The following GPR63 variants were observed in gnomAD, a reference collection of about 807,000 sequenced individuals.
The protein encoded by GPR63 is probable G protein-coupled receptor 63.
Under a neutral mutation model 23.1 loss-of-function variants are expected in GPR63, and 12 were observed. That is an observed-to-expected ratio of 0.52 (90% CI 0.33 to 0.84). GPR63 has a LOEUF of 0.84. GPR63 is among the 40% of genes least tolerant of loss of function. GPR63 has a pLI of 0.02. For synonymous variants in GPR63, 172 were observed against 191.1 expected, an observed-to-expected ratio of 0.90 and a Z score of 0.82; for missense variants, 472 against 515.6, an observed-to-expected ratio of 0.92 and a Z score of 0.82.
chr6:96,821,744 A>G (rs1425576320), intron 1 of GPR63, among the ~76,000 whole-genome samples: 3 of 152,190 alleles, frequency 2.0e-5, no homozygotes, highest in Non-Finnish European at 4.4e-5. Flanking sequence ...CCAAGACCAT[A>G]TATGACATGA....
chr6:96,835,709 TG>T (rs1215367018), intron 1 of GPR63, among the ~76,000 whole-genome samples: 1 of 152,196 alleles, frequency 6.6e-6, no homozygotes, highest in African/African-American at 2.4e-5. Context: ...GTTCTTTTTT[TG>T]AGTTTCGGTA....
intron 1 of GPR63, among the ~76,000 whole-genome samples, chr6:96,831,831 G>A (rs1371087429): frequency 3.3e-5 from 5 of 152,048 alleles, no homozygotes; most frequent in Non-Finnish European, 7.4e-5. Context: ...GCTTGAACCC[G>A]GGAGGCGGAG....
At chr6:96,813,365 A>G (rs1774090046) in intron 1 of GPR63, among the ~76,000 whole-genome samples, 1 of 152,172 alleles carries the variant, frequency 6.6e-6, no homozygotes, top group African/African-American at 2.4e-5. Context: ...CAGCACTGAA[A>G]TTGCTGGATT....
intron 1 of GPR63, among the ~76,000 whole-genome samples, chr6:96,822,492 A>T (rs981581342): frequency 5.3e-5 from 8 of 152,228 alleles, no homozygotes; most frequent in African/African-American, 1.9e-4. Context: ...TGACAGCGTC[A>T]TCATGTGCCA....
At chr6:96,800,013 C>A in intron 1 of GPR63, 132 bp from the exon 2 acceptor site, 1 of 411,172 alleles carries the variant, frequency 2.4e-6, no homozygotes. Flanking sequence ...TTTTAGTCTC[C>A]AGTGTAGTCA....
At chr6:96,817,436 A>C (rs372261407) in intron 1 of GPR63, among the ~76,000 whole-genome samples, 1 of 152,320 alleles carries the variant, frequency 6.6e-6, no homozygotes, top group East Asian at 1.9e-4. Context: ...GGGTAACTAG[A>C]TAACAGTATG....
intron 1 of GPR63, among the ~76,000 whole-genome samples, chr6:96,830,255 A>G (rs1774546273): frequency 1.3e-5 from 2 of 152,234 alleles, no homozygotes; most frequent in Admixed American, 1.3e-4. Context: ...TTTTAAATGT[A>G]CAATGTACAT....
At chr6:96,809,288 T>C (rs1053697613) in intron 1 of GPR63, among the ~76,000 whole-genome samples, 7 of 152,166 alleles carry the variant, frequency 4.6e-5, no homozygotes, top group African/African-American at 1.7e-4. Context: ...AATGACCCTG[T>C]ATTCAGAGTG....
At chr6:96,814,358 A>G (rs1404132372) in intron 1 of GPR63, among the ~76,000 whole-genome samples, 2 of 152,040 alleles carry the variant, frequency 1.3e-5, no homozygotes, top group Non-Finnish European at 2.9e-5. Flanking sequence ...TCCCAGAAAA[A>G]GAAAAAAAAT....
Position 96,799,683 on chromosome 6 carries a change from T to G in GPR63, c.49A>C (p.Thr17Pro). 4 of 1,614,172 alleles carry G rather than the reference T, an allele frequency of 2.5e-6. No individual in the cohort carries two copies. Among genetic ancestry groups the G allele is most frequent in the Non-Finnish European group, 3.4e-6 (4 of 1,180,022 alleles). The change falls in exon 2 of 2, where the codon ACA becomes CCA. Residue 17 changes from threonine to proline, a missense_variant. By Grantham distance (38) the Thr-to-Pro change is conservative. Coordinates refer to ENST00000229955, the MANE Select transcript of GPR63 (RefSeq NM_030784.4). ...LTAFHTGTSNTTFVVYENTYM... is the reference protein window; with the variant it reads ...LTAFHTGTSNPTFVVYENTYM... The stretch of plus-strand genomic sequence containing the variant: ...GTGTTTTCATACACGACAAATGTTG[T>G]GTTGGATGTCCCGGTATGGAACGCA...
Position 96,798,504 on chromosome 6 carries a change from A to C in GPR63, c.1228T>G (p.Tyr410Asp), listed in dbSNP as rs1430146773. 1 of 1,614,224 alleles carries C rather than the reference A, an allele frequency of 6.2e-7. No individual in the cohort carries two copies. Among genetic ancestry groups the C allele is most frequent in the Non-Finnish European group, 8.5e-7 (1 of 1,180,020 alleles). The stretch of plus-strand genomic sequence containing the variant: ...ACCGTCCGATGTTCCCCACACACAT[A>C]GACAGCACTAGGACGTATCCGTCGC... ...TKRRIRPSAV[Y>D]VCGEHRTVV is the part of the protein sequence containing the mutation. The change falls in exon 2 of 2, where the codon TAT becomes GAT. Residue 410 changes from tyrosine to aspartate, a missense_variant. Tyr to Asp is a radical substitution (Grantham distance 160). Coordinates refer to ENST00000229955, the MANE Select transcript of GPR63 (RefSeq NM_030784.4).
chr6:96,799,791 C>G lies in GPR63; in HGVS notation c.-60G>C. 1.3e-6 allele frequency: 2 copies of G among 1,544,820 alleles called. No individual in the cohort carries two copies. Among genetic ancestry groups the G allele is most frequent in the Non-Finnish European group, 9.0e-7 (1 of 1,117,296 alleles). The stretch of plus-strand genomic sequence containing the variant: ...CAGGAGTTCTTCAAGCATTTCAACA[C>G]AGAACAGCAGTATCAGGTCCCATTG... On this transcript the variant is annotated 5_prime_UTR_variant, in exon 2 of 2. Coordinates refer to ENST00000229955, the MANE Select transcript of GPR63 (RefSeq NM_030784.4).
In GPR63 at chr6:96,812,363, T is replaced by C. The variant is rs539858323; in HGVS notation, c.-150-12482A>G. Among the ~76,000 whole-genome samples the C allele has an allele frequency of 6.6e-5, 10 of 152,240 alleles. No individual in the cohort carries two copies. In the Middle Eastern group the frequency reaches 0.01, roughly 155 times the overall value. On this transcript the variant is annotated intron_variant, in intron 1 of 1. Transcript: ENST00000229955. ...TTCAAAGGAACACTTAGTTTTTCCA[T>C]AGACATTTAAAAAATGAGATTATTA...
intron 1 of GPR63, among the ~76,000 whole-genome samples, chr6:96,815,545 A>G (rs1032006370): frequency 5.9e-5 from 9 of 152,226 alleles, no homozygotes; most frequent in Non-Finnish European, 1.2e-4. Flanking sequence ...GTACTTTAAT[A>G]TACATTAAGA....
intron 1 of GPR63, among the ~76,000 whole-genome samples, chr6:96,831,204 G>A (rs1774571732): frequency 6.6e-6 from 1 of 152,104 alleles, no homozygotes; most frequent in Non-Finnish European, 1.5e-5. Flanking sequence ...GAGGGCAGAT[G>A]GCAATACAGT....
At chr6:96,809,260 T>C (rs1773979540) in intron 1 of GPR63, among the ~76,000 whole-genome samples, 1 of 152,098 alleles carries the variant, frequency 6.6e-6, no homozygotes, top group Non-Finnish European at 1.5e-5. Flanking sequence ...TATCTTTGCC[T>C]CCCCAGTTAG....
intron 1 of GPR63, among the ~76,000 whole-genome samples, chr6:96,834,652 C>T (rs1296440428): frequency 2.6e-5 from 4 of 151,416 alleles, no homozygotes; most frequent in South Asian, 2.1e-4. Context: ...AAACAGCTAG[C>T]AAATTAAAGA....
chr6:96,820,534 C>A (rs184124398), intron 1 of GPR63, among the ~76,000 whole-genome samples: 1 of 152,188 alleles, frequency 6.6e-6, no homozygotes, highest in Non-Finnish European at 1.5e-5. Flanking sequence ...CAGTCTTTAT[C>A]TTTTTATATT....
At chr6:96,824,923 C>T (rs574594266) in intron 1 of GPR63, among the ~76,000 whole-genome samples, 1 of 152,214 alleles carries the variant, frequency 6.6e-6, no homozygotes, top group African/African-American at 2.4e-5. Flanking sequence ...ACTGGTAAGA[C>T]CAAAGGCCCA....
Sources: allele counts gnomAD v4.1 joint callset (sites outside exome capture counted in the v4.1 genomes callset), GRCh38; gene constraint gnomAD v4.1.1; transcripts MANE v1.5; gene names NCBI Gene and HGNC (gene_info 2026-07-23, HGNC 2026-07-21).